The following PLEKHM2 variants were observed in gnomAD, a reference collection of about 807,000 sequenced individuals.
PLEKHM2 encodes pleckstrin homology and RUN domain containing M2.
A neutral mutation model predicts 116.3 loss-of-function variants in PLEKHM2; 77 were observed. That is an observed-to-expected ratio of 0.66 (90% CI 0.55 to 0.80). PLEKHM2 has a LOEUF of 0.80. Among genes scored for constraint, PLEKHM2 ranks in the 30% least tolerant of loss-of-function variants. The pLI is 0.00. For missense variants in PLEKHM2, 1,183 were observed against 1,354.9 expected (o/e 0.87, Z 1.99); for synonymous variants, 562 against 571.0 (o/e 0.98, Z 0.22).
At position 15,730,642 on chromosome 1, in the gene PLEKHM2, C is replaced by G; in HGVS notation, c.2319C>G (p.Thr773=). Residue 773 remains threonine (T), a synonymous_variant, in exon 15 of 20, where the codon ACC becomes ACG. Coordinates refer to ENST00000375799, the MANE Select transcript of PLEKHM2 (RefSeq NM_015164.4). The part of the protein sequence containing the change: ...CHCSPPEGTI[T]KEGMLHYKAG... ...GCTCACCCCCCGAGGGCACCATCACCAAAGAAGGCATGCTGCACTACAAGG... is the reference window on the plus strand; with the variant it reads ...GCTCACCCCCCGAGGGCACCATCACGAAAGAAGGCATGCTGCACTACAAGG... The G allele has an allele frequency of 6.2e-7, 1 of 1,610,060 alleles. No individual in the cohort carries two copies. The highest frequency in any genetic ancestry group is 1.1e-5 in the South Asian group (1 of 90,132).
chr1:15,705,419 C>T (rs1365777356), intron 1 of PLEKHM2, among the ~76,000 whole-genome samples: 4 of 151,894 alleles, frequency 2.6e-5, no homozygotes, highest in African/African-American at 7.3e-5. Context: ...TGAGCTCAGA[C>T]GATCCACTCA....
At chr1:15,716,851 C>CA in intron 3 of PLEKHM2, 35 bp downstream of exon 3, 1 of 1,550,368 alleles carries the variant, frequency 6.5e-7, no homozygotes, top group Non-Finnish European at 8.7e-7. Context: ...GGGAAGGGAC[C>CA]AGCTCCACCT....
chr1:15,726,995 C>A lies in PLEKHM2; in HGVS notation c.942-19C>A. 6.9e-7 allele frequency: 1 copy of A among 1,441,240 alleles called. No individual in the cohort carries two copies. The highest frequency in any genetic ancestry group is 9.2e-7 in the Non-Finnish European group (1 of 1,089,534). The allele number at this position is 1,441,240 out of a possible 1,614,324, so 89.3% of individuals were successfully genotyped here. The stretch of plus-strand genomic sequence containing the variant: ...GGACTACTCAGGGGTTAACACTCTC[C>A]CCGTCGTTACTGTCCCAGGGTCACC... On this transcript the variant is annotated intron_variant, in intron 8 of 19. Transcript: ENST00000375799.
chr1:15,696,273 T>C (rs1640993855), intron 1 of PLEKHM2, among the ~76,000 whole-genome samples: 1 of 152,194 alleles, frequency 6.6e-6, no homozygotes, highest in Non-Finnish European at 1.5e-5. Flanking sequence ...GGTCTTGAAG[T>C]AACAGATAAC....
intron 15 of PLEKHM2, 44 bp from the exon 16 acceptor site, chr1:15,731,148 G>C (rs767033705): frequency 1.4e-6 from 2 of 1,478,062 alleles, no homozygotes; most frequent in Middle Eastern, 1.7e-4. Flanking sequence ...CCTGGCCCCA[G>C]TTCCTGGGAC....
rs1272374820 is a variant in PLEKHM2, at chr1:15,690,073, TG to T, written c.60+5456del. ...ACCCAGCCGAGGTTTTTTTTTTTTT[TG>T]TTTTGTTTTTTTGAGACAGTCTTGC... On this transcript the variant is annotated intron_variant, in intron 1 of 19. Transcript: ENST00000375799. 3.2e-4 allele frequency among the ~76,000 whole-genome samples: 49 copies of T among 150,962 alleles called. 1 individual carries two copies. The East Asian group carries it at 7.7e-3, about 24-fold the overall frequency.
intron 1 of PLEKHM2, among the ~76,000 whole-genome samples, chr1:15,703,430 C>G (rs1641158653): frequency 1.3e-5 from 2 of 152,210 alleles, no homozygotes; most frequent in African/African-American, 4.8e-5. Flanking sequence ...TGCGAGTTGA[C>G]AGCAGAGTTA....
At chr1:15,691,951 T>TA (rs1640895653) in intron 1 of PLEKHM2, among the ~76,000 whole-genome samples, 1 of 151,810 alleles carries the variant, frequency 6.6e-6, no homozygotes, top group African/African-American at 2.4e-5. Flanking sequence ...TCTTCAAAAA[T>TA]AAAAATAAAA....
chr1:15,726,069 G>A (rs76338156), intron 8 of PLEKHM2, among the ~76,000 whole-genome samples: 395 of 152,272 alleles, frequency 2.6e-3, no homozygotes, highest in African/African-American at 9.0e-3. Flanking sequence ...TCAAGCCCTT[G>A]GAAGCAGGTG....
chr1:15,710,649 A>G (rs1185920751), intron 1 of PLEKHM2, among the ~76,000 whole-genome samples: 3 of 152,198 alleles, frequency 2.0e-5, no homozygotes, highest in Non-Finnish European at 2.9e-5. Flanking sequence ...TTGAAAAAGA[A>G]TGTTGAGGGG....
At chr1:15,710,812 T>C (rs763650427) in intron 1 of PLEKHM2, among the ~76,000 whole-genome samples, 10 of 152,202 alleles carry the variant, frequency 6.6e-5, no homozygotes, top group Non-Finnish European at 1.5e-4. Context: ...GTGGCATGCA[T>C]TTGTAGTTCC....
At chr1:15,716,390 A>T (rs370860116) in intron 2 of PLEKHM2, 47 bp downstream of exon 2, 1 of 1,161,856 alleles carries the variant, frequency 8.6e-7, no homozygotes, top group Non-Finnish European at 1.2e-6. Flanking sequence ...AACCCAGGCC[A>T]TGAGTAGCCT....
At chr1:15,725,288 G>C in intron 7 of PLEKHM2, 29 bp from the exon 8 acceptor site, 2 of 1,508,498 alleles carry the variant, frequency 1.3e-6, no homozygotes, top group South Asian at 2.4e-5. Context: ...GTGCCTGACA[G>C]GGTGTCTCCT....
At position 15,729,039 on chromosome 1, in the gene PLEKHM2, G is replaced by A; in HGVS notation, c.1987-63G>A. The A allele has an allele frequency of 6.8e-7, 1 of 1,471,218 alleles. No individual in the cohort carries two copies. Among genetic ancestry groups the A allele is most frequent in the Non-Finnish European group, 9.3e-7 (1 of 1,072,158 alleles). The allele number at this position is 1,471,218 out of a possible 1,614,324, so 91.1% of individuals were successfully genotyped here. A position where few individuals can be genotyped will look rare whatever the true frequency, so the allele number is the denominator to read the frequency against. On this transcript the variant is annotated intron_variant, in intron 12 of 19. Transcript: ENST00000375799. The surrounding 1 kb of genome is among the most constrained non-coding windows in gnomAD (Gnocchi z 4.7). The stretch of plus-strand genomic sequence containing the variant: ...CCCAGCAAGCGCTCAGCCTGGCCAA[G>A]CTGCCTTCTCCGCCAGGCAGCAGCT...
rs367663991 is a variant in PLEKHM2, at chr1:15,716,228, TTC to T, written c.61-7_61-6del. ...ATTTCTGATTTGGAGGTGTTTTTTT[TTC>T]TTTCAGTTGCAGAGCTATTTTGCTG... is the stretch of plus-strand genomic sequence containing the variant. On this transcript the variant is annotated splice_polypyrimidine_tract_variant and splice_region_variant and intron_variant, in intron 1 of 19. Transcript: ENST00000375799. 2.3e-3 allele frequency: 3,263 copies of T among 1,421,724 alleles called. No homozygotes were observed. Among genetic ancestry groups the T allele is most frequent in the Non-Finnish European group, 2.5e-3 (2,598 of 1,039,310 alleles). 88.1% of individuals were successfully genotyped at this position (1,421,724 alleles called of 1,614,324 possible).
chr1:15,684,698 GGGC>G, intron 1 of PLEKHM2, 80 bp downstream of exon 1: 1 of 682,302 alleles, frequency 1.5e-6, no homozygotes, highest in Non-Finnish European at 1.8e-6. Flanking sequence ...TCCCGGGCCG[GGGC>G]CCCCCGCCCT....
chr1:15,712,284 G>A (rs1405231475), intron 1 of PLEKHM2, among the ~76,000 whole-genome samples: 1 of 152,136 alleles, frequency 6.6e-6, no homozygotes, highest in South Asian at 2.1e-4. Flanking sequence ...ATTTAAAACA[G>A]GTACTATTTT....
intron 1 of PLEKHM2, among the ~76,000 whole-genome samples, chr1:15,706,237 C>T (rs959614634): frequency 2.0e-5 from 3 of 152,244 alleles, no homozygotes; most frequent in Non-Finnish European, 4.4e-5. Flanking sequence ...CCCTCAGCTG[C>T]CTTCTTGACC....
chr1:15,721,036 G>A lies in PLEKHM2; in HGVS notation c.653-293G>A. 2 of 372,972 alleles carry A rather than the reference G, an allele frequency of 5.4e-6. No homozygotes were observed. The highest frequency in any genetic ancestry group is 9.6e-6 in the Non-Finnish European group (2 of 207,296). 23.1% of individuals were successfully genotyped at this position (372,972 alleles called of 1,614,324 possible). Reference sequence around the variant, plus strand: ...AGGCACGTAAGAGGTAGAAAACAAAGCTAGGCACAGGCAGCCAGGCTTCTC... The same window carrying A: ...AGGCACGTAAGAGGTAGAAAACAAAACTAGGCACAGGCAGCCAGGCTTCTC... On this transcript the variant is annotated intron_variant, in intron 6 of 19. Transcript: ENST00000375799. The surrounding 1 kb of genome is among the most constrained non-coding windows in gnomAD (Gnocchi z 5.1).
Sources: gnomAD v4.1 joint callset for allele counts (sites outside exome capture counted in the v4.1 genomes callset) on GRCh38, gnomAD v4.1.1 for gene constraint, Gnocchi (gnomAD v3.1) non-coding constraint, MANE v1.5 for transcripts, NCBI Gene and HGNC (gene_info 2026-07-23, HGNC 2026-07-21) for gene names.